KCNH8: variants seen among roughly 807,000 people sequenced by gnomAD.
KCNH8 encodes voltage-gated delayed rectifier potassium channel KCNH8.
Under a neutral mutation model 103.6 loss-of-function variants are expected in KCNH8, and 70 were observed. The ratio of observed to expected loss-of-function variants is 0.68; its 90% CI spans 0.56 to 0.82. The LOEUF is 0.82. KCNH8 is among the 40% of genes least tolerant of loss of function. The pLI, the probability that KCNH8 is intolerant of heterozygous loss-of-function variation, is 0.00. For synonymous variants in KCNH8, 498 were observed against 489.4 expected (o/e 1.02, Z -0.23); for missense variants, 1,217 against 1,329.9 (o/e 0.92, Z 1.32).
intron 1 of KCNH8, among the ~76,000 whole-genome samples, chr3:19,174,075 C>T (rs907172763): frequency 1.3e-5 from 2 of 151,654 alleles, no homozygotes; most frequent in African/African-American, 4.8e-5. Context: ...CTCTACACCG[C>T]TTGATTCTGT....
intron 11 of KCNH8, among the ~76,000 whole-genome samples, chr3:19,494,893 G>A (rs561529647): frequency 6.6e-6 from 1 of 152,112 alleles, no homozygotes; most frequent in Admixed American, 6.5e-5. Context: ...TGGCCATTCT[G>A]ACTGCTGTGA....
intron 3 of KCNH8, among the ~76,000 whole-genome samples, chr3:19,294,932 CT>C (rs765975093): frequency 2.0e-5 from 3 of 152,210 alleles, no homozygotes; most frequent in Non-Finnish European, 1.5e-5. Flanking sequence ...TCGGACAAAA[CT>C]TTCTGAAGCT....
chr3:19,363,691 A>T (rs1334462157), intron 5 of KCNH8, among the ~76,000 whole-genome samples: 1 of 152,152 alleles, frequency 6.6e-6, no homozygotes, highest in East Asian at 1.9e-4. Flanking sequence ...TTGTTACACT[A>T]GTAGCCCCCA....
intron 7 of KCNH8, among the ~76,000 whole-genome samples, chr3:19,401,303 A>G (rs1160165538): frequency 1.3e-5 from 2 of 152,030 alleles, no homozygotes; most frequent in Admixed American, 1.3e-4. Flanking sequence ...TGTAAACAAC[A>G]CTAACCAGTA....
intron 1 of KCNH8, among the ~76,000 whole-genome samples, chr3:19,218,195 A>T (rs1195294867): frequency 3.3e-5 from 5 of 152,140 alleles, no homozygotes; most frequent in African/African-American, 4.8e-5. Context: ...GAATATTTTA[A>T]AACTCCACTA....
chr3:19,450,091 T>G lies in KCNH8; in HGVS notation c.1376-15T>G, dbSNP rs13062882. ...CACATTTCTCTTCCATTATATACTG[T>G]GTTGTTCTTTCTAGCCTTGATGCAC... is the stretch of plus-strand genomic sequence containing the variant. On this transcript the variant is annotated splice_polypyrimidine_tract_variant and intron_variant, in intron 8 of 15. Transcript: ENST00000328405. 1 of 1,609,134 alleles carries G rather than the reference T, an allele frequency of 6.2e-7. No individual in the cohort carries two copies. Among genetic ancestry groups the G allele is most frequent in the African/African-American group, 1.3e-5 (1 of 74,776 alleles).
chr3:19,463,391 T>C (rs758953903), intron 11 of KCNH8, among the ~76,000 whole-genome samples: 5 of 152,108 alleles, frequency 3.3e-5, no homozygotes, highest in Non-Finnish European at 7.4e-5. Flanking sequence ...AATATATCCA[T>C]AATGTCTAAA....
intron 7 of KCNH8, among the ~76,000 whole-genome samples, chr3:19,430,194 G>T (rs2067098763): frequency 6.6e-6 from 1 of 152,180 alleles, no homozygotes; most frequent in Non-Finnish European, 1.5e-5. Context: ...TGGCTAGTCT[G>T]TTATCCCAGC....
chr3:19,534,235 G>A lies in KCNH8; in HGVS notation c.*136G>A. 2 of 650,068 alleles carry A rather than the reference G, an allele frequency of 3.1e-6. No homozygotes were observed. The highest frequency in any genetic ancestry group is 5.3e-6 in the Non-Finnish European group (2 of 377,930). The allele number at this position is 650,068 out of a possible 1,614,324, so 40.3% of individuals were successfully genotyped here. A position where few individuals can be genotyped will look rare whatever the true frequency, so the allele number is the denominator to read the frequency against. On this transcript the variant is annotated 3_prime_UTR_variant, in exon 16 of 16. Transcript: ENST00000328405. ...GCAGAAAAGAGTGTGAGGAGCCAGG[G>A]AAAGGCAGAACCACCTCCATGCTGT...
chr3:19,268,599 T>G (rs2064546522), intron 2 of KCNH8, among the ~76,000 whole-genome samples: 1 of 152,106 alleles, frequency 6.6e-6, no homozygotes, highest in Non-Finnish European at 1.5e-5. Context: ...AAATTTCATT[T>G]AACAAAGAAC....
intron 5 of KCNH8, 65 bp from the exon 6 acceptor site, chr3:19,390,416 T>G: frequency 8.0e-7 from 1 of 1,255,974 alleles, no homozygotes; most frequent in Non-Finnish European, 1.1e-6. Context: ...TTCATTGTCC[T>G]TCCTACCTTC....
intron 1 of KCNH8, among the ~76,000 whole-genome samples, chr3:19,245,098 T>C (rs2064187515): frequency 6.6e-6 from 1 of 152,230 alleles, no homozygotes; most frequent in South Asian, 2.1e-4. Flanking sequence ...AAGTCTTACA[T>C]TTAAATCTTG....
intron 2 of KCNH8, among the ~76,000 whole-genome samples, chr3:19,258,062 T>G (rs1365042627): frequency 1.3e-5 from 2 of 152,014 alleles, no homozygotes; most frequent in Non-Finnish European, 2.9e-5. Context: ...TCACATTGGA[T>G]TTGGTCCTAC....
chr3:19,456,691 A>T, intron 10 of KCNH8, 77 bp from the exon 11 acceptor site: 1 of 906,924 alleles, frequency 1.1e-6, no homozygotes, highest in Non-Finnish European at 1.8e-6. Context: ...TGAAAAATGA[A>T]GCCTGTAAGT....
At chr3:19,187,446 G>A (rs996702241) in intron 1 of KCNH8, among the ~76,000 whole-genome samples, 8 of 152,096 alleles carry the variant, frequency 5.3e-5, no homozygotes, top group African/African-American at 1.9e-4. Context: ...GGTTGTCTAA[G>A]TACAGATGAC....
At position 19,529,688 on chromosome 3, in the gene KCNH8, C is replaced by T. The variant is rs117864741; in HGVS notation, c.2620-3707C>T. Among the ~76,000 whole-genome samples the T allele has an allele frequency of 1.7e-3, 260 of 152,262 alleles. 8 individuals are homozygous for T. In the East Asian group the frequency reaches 0.042, roughly 24 times the overall value. ...CTGTGGCAGTATGTTGTCACCTTTA[C>T]TATCACCACAGTCTCTACTTCTAGG... On this transcript the variant is annotated intron_variant, in intron 15 of 15. Coordinates refer to ENST00000328405, the MANE Select transcript of KCNH8 (RefSeq NM_144633.3).
chr3:19,499,648 A>C (rs1242425588), intron 11 of KCNH8, among the ~76,000 whole-genome samples: 2 of 152,202 alleles, frequency 1.3e-5, no homozygotes, highest in Non-Finnish European at 2.9e-5. Context: ...ATTCTTAAGG[A>C]AAAGAATTTT....
At chr3:19,480,014 G>A (rs756457516) in intron 11 of KCNH8, among the ~76,000 whole-genome samples, 2 of 152,184 alleles carry the variant, frequency 1.3e-5, no homozygotes, top group Non-Finnish European at 2.9e-5. Context: ...GCATTCAGCT[G>A]TAGATAATGT....
At chr3:19,252,521 C>T (rs534932770) in intron 1 of KCNH8, among the ~76,000 whole-genome samples, 3 of 152,060 alleles carry the variant, frequency 2.0e-5, no homozygotes, top group East Asian at 3.9e-4. Context: ...TCCTGAGTAG[C>T]TGGGATTACA....
Sources: gnomAD v4.1 joint callset for allele counts (sites outside exome capture counted in the v4.1 genomes callset) on GRCh38, gnomAD v4.1.1 for gene constraint, MANE v1.5 for transcripts, NCBI Gene and HGNC (gene_info 2026-07-23, HGNC 2026-07-21) for gene names.